SPHKAP: variants seen among roughly 807,000 people sequenced by gnomAD.
SPHKAP encodes the protein A-kinase anchor protein SPHKAP.
SPHKAP carries 67 observed loss-of-function variants against 137.5 expected under a neutral mutation model. That is an observed-to-expected ratio of 0.49 (90% CI 0.40 to 0.60). The LOEUF (loss-of-function observed/expected upper bound fraction) is 0.60. Ranked by LOEUF, SPHKAP falls within the 20% of genes least tolerant of loss-of-function variation. The pLI is 0.00. For missense variants in SPHKAP, 2,097 were observed against 2,069.3 expected (o/e 1.01, Z -0.26); for synonymous variants, 813 against 785.3 (o/e 1.04, Z -0.59).
chr2:228,069,450 T>A (rs1167834118), intron 3 of SPHKAP, among the ~76,000 whole-genome samples: 1 of 7,506 alleles, frequency 1.3e-4, no homozygotes, highest in African/African-American at 4.9e-4. Flanking sequence ...TCTTTCTTTC[T>A]TTTTTTTTTT....
chr2:228,163,861 G>C (rs1274637263), intron 1 of SPHKAP, among the ~76,000 whole-genome samples: 1 of 152,102 alleles, frequency 6.6e-6, no homozygotes, highest in Non-Finnish European at 1.5e-5. Context: ...TGTAATATTA[G>C]CTCTCCCCAG....
chr2:228,111,296 T>C (rs1397300742), intron 2 of SPHKAP, among the ~76,000 whole-genome samples: 1 of 152,106 alleles, frequency 6.6e-6, no homozygotes, highest in Non-Finnish European at 1.5e-5. Flanking sequence ...TGAGGTTCAG[T>C]TTCCACAGCT....
At chr2:228,059,857 T>A (rs1197172665) in intron 3 of SPHKAP, among the ~76,000 whole-genome samples, 1 of 152,222 alleles carries the variant, frequency 6.6e-6, no homozygotes, top group Non-Finnish European at 1.5e-5. Context: ...TTGATTATTA[T>A]AGCAACAGTA....
Position 228,181,656 on chromosome 2 carries a change from G to A in SPHKAP, c.-58C>T. 2.5e-6 allele frequency: 4 copies of A among 1,614,092 alleles called. No homozygotes were observed. In the South Asian group the frequency reaches 4.4e-5, roughly 18 times the overall value. ...AGTGCAGGCGAAGGATAAGTCTGTG[G>A]TGCTAGGACCCAGCTCCCAGAGTGC... On this transcript the variant is annotated 5_prime_UTR_variant, in exon 1 of 12. Coordinates refer to ENST00000392056, the MANE Select transcript of SPHKAP (RefSeq NM_001142644.2). The surrounding 1 kb of genome is among the most constrained non-coding windows in gnomAD (Gnocchi z 4.3).
Position 228,019,830 on chromosome 2 carries a change from T to G in SPHKAP, c.1024A>C (p.Lys342Gln). The G allele has an allele frequency of 1.9e-6, 3 of 1,614,180 alleles. No homozygotes were observed. The highest frequency in any genetic ancestry group is 2.5e-6 in the Non-Finnish European group (3 of 1,180,032). Residue 342 changes from lysine to glutamine, a missense_variant, in exon 7 of 12, where the codon AAA (lysine) becomes CAA (glutamine). Lys to Gln is a moderately conservative substitution (Grantham distance 53). Coordinates refer to ENST00000392056, the MANE Select transcript of SPHKAP (RefSeq NM_001142644.2). ...MEKSQALYIP[K>Q]DAYFSMMDKD... ...TCCATCATGGAGAAATAAGCATCTT[T>G]TGGAATATACAGTGCCTGTGATTTT...
At chr2:228,107,524 T>G (rs1479666540) in intron 3 of SPHKAP, among the ~76,000 whole-genome samples, 2 of 152,188 alleles carry the variant, frequency 1.3e-5, no homozygotes, top group East Asian at 3.8e-4. Context: ...ATTGTAGGTC[T>G]GAAATCCAGA....
intron 7 of SPHKAP, among the ~76,000 whole-genome samples, chr2:228,008,309 T>C (rs897897962): frequency 1.3e-4 from 20 of 151,642 alleles, no homozygotes; most frequent in African/African-American, 4.8e-4. Flanking sequence ...TTTTTTTTTT[T>C]TTCCTGCGAG....
chr2:228,122,820 C>T (rs1006806955), intron 2 of SPHKAP, among the ~76,000 whole-genome samples: 9 of 152,120 alleles, frequency 5.9e-5, no homozygotes, highest in African/African-American at 1.2e-4. Context: ...TGAATGAAAT[C>T]GCCTCCAGAG....
intron 3 of SPHKAP, among the ~76,000 whole-genome samples, chr2:228,092,174 C>T (rs1697770927): frequency 9.4e-6 from 1 of 106,512 alleles, no homozygotes; most frequent in Non-Finnish European, 2.0e-5. Flanking sequence ...TGTGTACACA[C>T]ACATGTGTGT....
At chr2:228,110,464 A>G (rs1698484321) in intron 2 of SPHKAP, among the ~76,000 whole-genome samples, 1 of 152,190 alleles carries the variant, frequency 6.6e-6, no homozygotes, top group Non-Finnish European at 1.5e-5. Context: ...TGAATGATAA[A>G]CTTGGATTAT....
intron 11 of SPHKAP, among the ~76,000 whole-genome samples, chr2:227,990,733 A>C (rs1303758638): frequency 2.0e-5 from 3 of 152,220 alleles, no homozygotes; most frequent in African/African-American, 7.2e-5. Context: ...ACACCAAAAA[A>C]ATAACAGACT....
chr2:228,091,681 C>T (rs758932099), intron 3 of SPHKAP, among the ~76,000 whole-genome samples: 3 of 152,134 alleles, frequency 2.0e-5, no homozygotes, highest in Admixed American at 6.5e-5. Flanking sequence ...CTCGACATCA[C>T]TAAGGATCAG....
intron 3 of SPHKAP, among the ~76,000 whole-genome samples, chr2:228,104,006 A>G (rs1019508092): frequency 3.3e-5 from 5 of 152,130 alleles, no homozygotes; most frequent in Admixed American, 2.6e-4. Context: ...GCAAACGTGG[A>G]AAAATGTTAA....
Position 228,131,964 on chromosome 2 carries a change from C to T in SPHKAP, c.138+16G>A, listed in dbSNP as rs772910599. On this transcript the variant is annotated intron_variant, in intron 2 of 11. Coordinates refer to ENST00000392056, the MANE Select transcript of SPHKAP (RefSeq NM_001142644.2). ...AGTTCAACTGACAAGAAGAAAGTGG[C>T]GTAAGGCAAGGTTACCTTCTTACAG... The T allele has an allele frequency of 7.4e-6, 12 of 1,610,844 alleles. No homozygotes were observed. Among genetic ancestry groups the T allele is most frequent in the South Asian group, 2.2e-5 (2 of 90,940 alleles).
intron 3 of SPHKAP, among the ~76,000 whole-genome samples, chr2:228,077,008 G>A (rs1451909766): frequency 1.3e-5 from 2 of 152,186 alleles, no homozygotes; most frequent in Non-Finnish European, 2.9e-5. Context: ...TGCTCTAGCT[G>A]TAGCTGAAAG....
intron 3 of SPHKAP, among the ~76,000 whole-genome samples, chr2:228,067,789 T>C (rs1172133172): frequency 6.6e-6 from 1 of 152,168 alleles, no homozygotes; most frequent in African/African-American, 2.4e-5. Flanking sequence ...TAAACATAAG[T>C]TATTAAATAT....
intron 7 of SPHKAP, among the ~76,000 whole-genome samples, chr2:228,003,989 C>T (rs375613754): frequency 4.6e-5 from 7 of 152,218 alleles, no homozygotes; most frequent in South Asian, 2.1e-4. Flanking sequence ...ACTTTTGCAT[C>T]GATGTTCATC....
intron 7 of SPHKAP, among the ~76,000 whole-genome samples, chr2:228,001,491 ATATAAG>A: frequency 6.9e-6 from 1 of 144,408 alleles, no homozygotes; most frequent in Admixed American, 7.1e-5. Flanking sequence ...ATATACGTAT[ATATAAG>A]TATATATACG....
At chr2:228,070,876 G>A (rs1265076654) in intron 3 of SPHKAP, among the ~76,000 whole-genome samples, 1 of 152,116 alleles carries the variant, frequency 6.6e-6, no homozygotes, top group Non-Finnish European at 1.5e-5. Flanking sequence ...TACAAACTGA[G>A]TTAGAGACAT....
Sources: allele counts gnomAD v4.1 joint callset (sites outside exome capture counted in the v4.1 genomes callset), GRCh38; gene constraint gnomAD v4.1.1; non-coding constraint Gnocchi (gnomAD v3.1); transcripts MANE v1.5; gene names NCBI Gene and HGNC (gene_info 2026-07-23, HGNC 2026-07-21).